NOD2: variants seen among roughly 807,000 people sequenced by gnomAD.
The protein encoded by NOD2 is nucleotide-binding oligomerization domain-containing protein 2.
Under a neutral mutation model 90.9 loss-of-function variants are expected in NOD2, and 86 were observed. The observed-to-expected ratio is 0.95, with a 90% CI of 0.79 to 1.13. NOD2 has a LOEUF of 1.13. Ranked by LOEUF, NOD2 falls within the 50% of genes most tolerant of loss-of-function variation. The pLI is 0.00. For synonymous variants in NOD2, 581 were observed against 554.6 expected, an observed-to-expected ratio of 1.05 and a Z score of -0.67; for missense variants, 1,238 against 1,283.8, an observed-to-expected ratio of 0.96 and a Z score of 0.55.
In NOD2 at chr16:50,732,138, G is replaced by T; in HGVS notation, c.*319G>T. 1 of 425,756 alleles carries T rather than the reference G, an allele frequency of 2.3e-6. No individual in the cohort carries two copies. The allele number at this position is 425,756 out of a possible 1,614,324, so 26.4% of individuals were successfully genotyped here. On this transcript the variant is annotated 3_prime_UTR_variant, in exon 12 of 12. Transcript: ENST00000647318. ...CTGATCCTCCCAGGCTTCCGTGTGG[G>T]TCAGTGGGGCCCATGGATGTGCTTG...
chr16:50,730,770 A>G (rs1442289689), intron 11 of NOD2, among the ~76,000 whole-genome samples: 1 of 152,152 alleles, frequency 6.6e-6, no homozygotes, highest in Non-Finnish European at 1.5e-5. Context: ...CACCAAGCCT[A>G]TTGTCTTAGA....
chr16:50,731,030 T>A (rs1297608233), intron 11 of NOD2, among the ~76,000 whole-genome samples: 5 of 152,016 alleles, frequency 3.3e-5, no homozygotes, highest in Admixed American at 6.6e-5. Context: ...AAATAAAAAA[T>A]TCAGCTGGGT....
chr16:50,706,278 T>C (rs374341100), intron 2 of NOD2, among the ~76,000 whole-genome samples: 1 of 152,154 alleles, frequency 6.6e-6, no homozygotes, highest in South Asian at 2.1e-4. Flanking sequence ...TCTAGACAGG[T>C]ATTTTTGTCT....
At chr16:50,726,475 G>A (rs565591605) in intron 10 of NOD2, among the ~76,000 whole-genome samples, 1 of 152,316 alleles carries the variant, frequency 6.6e-6, no homozygotes, top group African/African-American at 2.4e-5. Context: ...CAAATATTTG[G>A]AGAAAACACT....
At chr16:50,731,624 A>G (rs969108494) in intron 11 of NOD2, 123 bp from the exon 12 acceptor site, 4 of 739,718 alleles carry the variant, frequency 5.4e-6, no homozygotes, top group Admixed American at 4.0e-5. Context: ...TGCAAGAAAC[A>G]CTGCAGCTGG....
At position 50,711,564 on chromosome 16, in the gene NOD2, C is replaced by A; in HGVS notation, c.1572C>A (p.Gly524=). The stretch of plus-strand genomic sequence containing the variant: ...GCCTCCCCACCCTCCTGCACCTGGG[C>A]AGACTGGCTCTGTGGGGCCTGGGCA... ...RGRLPTLLHL[G]RLALWGLGMC... is the part of the protein sequence containing the mutation. The change falls in exon 4 of 12, where the codon GGC becomes GGA. Residue 524 remains glycine, a synonymous_variant. Transcript: ENST00000647318. The A allele has an allele frequency of 6.2e-7, 1 of 1,612,338 alleles. No individual in the cohort carries two copies. The highest frequency in any genetic ancestry group is 8.5e-7 in the Non-Finnish European group (1 of 1,180,022).
intron 3 of NOD2, 69 bp downstream of exon 3, chr16:50,708,029 A>C: frequency 9.2e-7 from 1 of 1,091,994 alleles, no homozygotes; most frequent in Non-Finnish European, 1.4e-6. Flanking sequence ...TAAGAGCAGA[A>C]CACACCTCGG....
chr16:50,731,704 A>G, intron 11 of NOD2, 43 bp from the exon 12 acceptor site: 1 of 1,382,022 alleles, frequency 7.2e-7, no homozygotes, highest in South Asian at 1.2e-5. Context: ...CCCTGCTCTA[A>G]TTTTGTCCTC....
intron 4 of NOD2, 89 bp from the exon 5 acceptor site, chr16:50,716,498 G>A (rs1170935428): frequency 2.4e-6 from 3 of 1,251,324 alleles, no homozygotes; most frequent in East Asian, 5.0e-5. Flanking sequence ...GGCACTTCAG[G>A]GATGAATGAA....
chr16:50,721,346 A>C (rs1429041731), intron 7 of NOD2, among the ~76,000 whole-genome samples: 2 of 146,152 alleles, frequency 1.4e-5, no homozygotes, highest in African/African-American at 5.2e-5. Context: ...TATGATACAA[A>C]GTGTTCTGTA....
At position 50,694,842 on chromosome 16, in the gene NOD2, G is replaced by A. The variant is rs752578438; in HGVS notation, c.-9+1180G>A. Among the ~76,000 whole-genome samples the A allele has an allele frequency of 2.0e-5, 3 of 152,178 alleles. No homozygotes were observed. The East Asian group carries it at 5.8e-4, about 29-fold the overall frequency. ...TGCACACTCTAGAAAGGAATGGACA[G>A]CAATGAAATAAGTAAATACATGGCG... On this transcript the variant is annotated intron_variant, in intron 1 of 11. Transcript: ENST00000647318.
intron 1 of NOD2, 54 bp from the exon 2 acceptor site, chr16:50,699,434 A>G (rs1963818116): frequency 2.0e-6 from 3 of 1,528,914 alleles, no homozygotes; most frequent in Non-Finnish European, 2.7e-6. Context: ...TTCCCTGACC[A>G]CCCTGCATCT....
At chr16:50,729,941 TCA>T in intron 11 of NOD2, 40 bp downstream of exon 11, 1 of 1,472,468 alleles carries the variant, frequency 6.8e-7, no homozygotes, top group Non-Finnish European at 9.5e-7. Flanking sequence ...TCTCCGAACC[TCA>T]GTTTTTCTAT....
chr16:50,712,475 C>T (rs1964585778), intron 4 of NOD2, 102 bp downstream of exon 4: 2 of 1,448,054 alleles, frequency 1.4e-6, no homozygotes, highest in Admixed American at 3.4e-5. Context: ...CCAGCTTCGC[C>T]TCTGCCACCC....
chr16:50,709,628 G>T (rs1964367712), intron 3 of NOD2, among the ~76,000 whole-genome samples: 1 of 152,134 alleles, frequency 6.6e-6, no homozygotes, highest in Admixed American at 6.5e-5. Context: ...CTCAGCTGGG[G>T]CACCCCGGTG....
At chr16:50,702,054 T>C (rs1963964824) in intron 2 of NOD2, among the ~76,000 whole-genome samples, 1 of 152,114 alleles carries the variant, frequency 6.6e-6, no homozygotes, top group South Asian at 2.1e-4. Flanking sequence ...GAAGTGATCC[T>C]CCCGCCTCAG....
rs1964459916 is a variant in NOD2, at chr16:50,711,087, A to G, written c.1095A>G (p.Glu365=). 6.2e-7 allele frequency: 1 copy of G among 1,613,958 alleles called. No homozygotes were observed. The highest frequency in any genetic ancestry group is 8.5e-7 in the Non-Finnish European group (1 of 1,179,964). ...DEFKFRFTDR[E]RHCSPTDPTS... is the part of the protein sequence containing the mutation. ...TCAAGTTCAGGTTCACGGATCGTGA[A>G]CGCCACTGCTCCCCGACCGACCCCA... The change falls in exon 4 of 12, where the codon GAA becomes GAG. Residue 365 remains glutamate, a synonymous_variant. Coordinates refer to ENST00000647318, the MANE Select transcript of NOD2 (RefSeq NM_001370466.1).
chr16:50,699,020 C>T (rs774239438), intron 1 of NOD2, among the ~76,000 whole-genome samples: 25 of 151,830 alleles, frequency 1.6e-4, no homozygotes, highest in African/African-American at 4.8e-4. Context: ...CTCTGCCTCC[C>T]GGGTTCAAGT....
At chr16:50,723,104 G>A (rs1965133782) in intron 8 of NOD2, among the ~76,000 whole-genome samples, 197 bp from the exon 9 acceptor site, 2 of 118,482 alleles carry the variant, frequency 1.7e-5, no homozygotes, top group East Asian at 2.4e-4. Context: ...AAAAAAAAGA[G>A]CACTGCATTC....
Sources: allele counts gnomAD v4.1 joint callset (sites outside exome capture counted in the v4.1 genomes callset), GRCh38; gene constraint gnomAD v4.1.1; transcripts MANE v1.5; gene names NCBI Gene and HGNC (gene_info 2026-07-23, HGNC 2026-07-21).